The following GRIN2B variants were observed in gnomAD, a reference collection of about 807,000 sequenced individuals.
GRIN2B encodes the protein glutamate ionotropic receptor NMDA type subunit 2B, also known as glutamate receptor ionotropic, NMDA 2B.
GRIN2B carries 5 observed loss-of-function variants against 114.5 expected under a neutral mutation model. The ratio of observed to expected loss-of-function variants is 0.04; its 90% CI spans 0.02 to 0.09. GRIN2B has a LOEUF of 0.09. Among genes scored for constraint, GRIN2B ranks in the 10% least tolerant of loss-of-function variants. GRIN2B has a pLI of 1.00. For synonymous variants in GRIN2B, 787 were observed against 745.1 expected, an observed-to-expected ratio of 1.06 and a Z score of -0.92; for missense variants, 1,108 against 1,943.5, an observed-to-expected ratio of 0.57 and a Z score of 8.08.
chr12:13,709,120 T>G (rs1295815786), intron 4 of GRIN2B, among the ~76,000 whole-genome samples: 1 of 152,038 alleles, frequency 6.6e-6, no homozygotes, highest in East Asian at 1.9e-4. Context: ...TTGATAAAAT[T>G]CATGGCACAC....
chr12:13,631,054 G>A (rs1949611744), intron 5 of GRIN2B, among the ~76,000 whole-genome samples: 1 of 152,096 alleles, frequency 6.6e-6, no homozygotes, highest in African/African-American at 2.4e-5. Flanking sequence ...TCACTATCAT[G>A]AGAACAGCAT....
At chr12:13,703,370 ACT>A (rs1285798145) in intron 4 of GRIN2B, among the ~76,000 whole-genome samples, 2 of 152,068 alleles carry the variant, frequency 1.3e-5, no homozygotes, top group African/African-American at 4.8e-5. Context: ...ATTTTTTATC[ACT>A]CACATGCTAT....
chr12:13,752,299 C>T (rs2136627662), intron 4 of GRIN2B, among the ~76,000 whole-genome samples: 1 of 152,276 alleles, frequency 6.6e-6, no homozygotes, highest in Middle Eastern at 3.4e-3. Flanking sequence ...ATGTCCAACA[C>T]ATTGTTGAAT....
intron 5 of GRIN2B, among the ~76,000 whole-genome samples, chr12:13,652,045 C>T (rs1051964171): frequency 6.6e-6 from 1 of 151,998 alleles, no homozygotes; most frequent in African/African-American, 2.4e-5. Context: ...CTCTAGGGAA[C>T]TTATACCCAT....
At chr12:13,701,025 G>A (rs1171216502) in intron 4 of GRIN2B, among the ~76,000 whole-genome samples, 1 of 152,070 alleles carries the variant, frequency 6.6e-6, no homozygotes, top group Non-Finnish European at 1.5e-5. Context: ...TTACAACCGT[G>A]GCAGAAGGTG....
At chr12:13,804,359 T>C (rs960044048) in intron 3 of GRIN2B, among the ~76,000 whole-genome samples, 8 of 152,124 alleles carry the variant, frequency 5.3e-5, no homozygotes, top group Non-Finnish European at 1.0e-4. Flanking sequence ...CCTAAAGTTT[T>C]TACTTTCATA....
chr12:13,713,124 C>T (rs1428736050), intron 4 of GRIN2B, among the ~76,000 whole-genome samples: 2 of 151,828 alleles, frequency 1.3e-5, no homozygotes, highest in Non-Finnish European at 2.9e-5. Flanking sequence ...ACACAATCAA[C>T]AAGACATGAA....
chr12:13,796,026 A>T (rs936227867), intron 3 of GRIN2B, among the ~76,000 whole-genome samples: 3 of 151,738 alleles, frequency 2.0e-5, no homozygotes, highest in Admixed American at 6.6e-5. Flanking sequence ...GCACATATAT[A>T]CATATGTAAC....
chr12:13,912,822 A>C (rs148947694), intron 2 of GRIN2B, among the ~76,000 whole-genome samples: 1 of 152,088 alleles, frequency 6.6e-6, no homozygotes, highest in African/African-American at 2.4e-5. Context: ...GCGCCTCCCA[A>C]TGGGAAAAAC....
chr12:13,584,137 C>T (rs543431191), intron 10 of GRIN2B, among the ~76,000 whole-genome samples: 2 of 152,278 alleles, frequency 1.3e-5, no homozygotes, highest in East Asian at 1.9e-4. Context: ...TCCCACTCTC[C>T]TCCCTCACCC....
chr12:13,600,895 T>A (rs1805518), intron 10 of GRIN2B, among the ~76,000 whole-genome samples: 52,304 of 152,022 alleles, frequency 0.34, 10,743 homozygotes, highest in East Asian at 0.8. Context: ...AGGTTTTGTA[T>A]TGTCTCCCTA....
chr12:13,883,461 G>T (rs972044119), intron 2 of GRIN2B, among the ~76,000 whole-genome samples: 1 of 151,758 alleles, frequency 6.6e-6, no homozygotes, highest in African/African-American at 2.4e-5. Flanking sequence ...ACCTGCCTTT[G>T]GTCCTTCTTT....
At chr12:13,813,011 C>T (rs1053495667) in intron 3 of GRIN2B, among the ~76,000 whole-genome samples, 2 of 146,074 alleles carry the variant, frequency 1.4e-5, no homozygotes, top group Non-Finnish European at 3.0e-5. Context: ...TTGATCTCGG[C>T]TCACTACAAC....
intron 4 of GRIN2B, among the ~76,000 whole-genome samples, chr12:13,712,445 G>A (rs1009524354): frequency 6.6e-6 from 1 of 151,580 alleles, no homozygotes; most frequent in African/African-American, 2.4e-5. Context: ...TTAATCTATG[G>A]TGAAATAAAT....
At chr12:13,835,210 T>C (rs1865238306) in intron 3 of GRIN2B, among the ~76,000 whole-genome samples, 1 of 152,196 alleles carries the variant, frequency 6.6e-6, no homozygotes. Context: ...TCTCTTTTTC[T>C]TTTTTTAAAA....
chr12:13,584,215 A>G (rs1948888387), intron 10 of GRIN2B, among the ~76,000 whole-genome samples: 1 of 152,080 alleles, frequency 6.6e-6, no homozygotes, highest in South Asian at 2.1e-4. Context: ...CTACCCTCAC[A>G]TGCTCTTCTC....
intron 4 of GRIN2B, among the ~76,000 whole-genome samples, chr12:13,714,733 AATTT>A (rs1950441154): frequency 6.6e-6 from 1 of 151,838 alleles, no homozygotes; most frequent in African/African-American, 2.4e-5. Context: ...CAAATCACCT[AATTT>A]TTTTATTATT....
At chr12:13,975,238 T>C (rs192528650) in intron 2 of GRIN2B, among the ~76,000 whole-genome samples, 3 of 152,278 alleles carry the variant, frequency 2.0e-5, no homozygotes, top group East Asian at 3.9e-4. Flanking sequence ...CCAGCAACTC[T>C]GGCGTCAACT....
intron 3 of GRIN2B, among the ~76,000 whole-genome samples, chr12:13,783,844 A>T (rs532052184): frequency 6.6e-6 from 1 of 151,822 alleles, no homozygotes; most frequent in Admixed American, 6.6e-5. Flanking sequence ...AGGAACTAGA[A>T]GAGGCTGAGC....
Sources: gnomAD v4.1 joint callset for allele counts (sites outside exome capture counted in the v4.1 genomes callset) on GRCh38, gnomAD v4.1.1 for gene constraint, MANE v1.5 for transcripts, NCBI Gene and HGNC (gene_info 2026-07-23, HGNC 2026-07-21) for gene names.